Variants in TTLL5 observed in about 807,000 individuals in gnomAD.
TTLL5 encodes the protein tubulin polyglutamylase TTLL5.
TTLL5 carries 132 observed loss-of-function variants against 168.4 expected under a neutral mutation model. The ratio of observed to expected loss-of-function variants is 0.78; its 90% CI spans 0.68 to 0.91. The LOEUF (loss-of-function observed/expected upper bound fraction) is 0.91. Among genes scored for constraint, TTLL5 ranks in the 40% least tolerant of loss-of-function variants. The pLI, the probability that TTLL5 is intolerant of heterozygous loss-of-function variation, is 0.00. For missense variants in TTLL5, 1,545 were observed against 1,581.5 expected (o/e 0.98, Z 0.39); for synonymous variants, 546 against 558.6 (o/e 0.98, Z 0.32).
chr14:75,793,171 T>A, intron 27 of TTLL5, 71 bp downstream of exon 27: 1 of 1,378,436 alleles, frequency 7.3e-7, no homozygotes, highest in Non-Finnish European at 9.6e-7. Flanking sequence ...GTACTTTGTC[T>A]TTCCCTGTCT....
intron 27 of TTLL5, among the ~76,000 whole-genome samples, chr14:75,812,540 G>A (rs1894114415): frequency 6.6e-6 from 1 of 152,154 alleles, no homozygotes; most frequent in African/African-American, 2.4e-5. Flanking sequence ...CATATTTAAT[G>A]ATTACTCTTT....
intron 26 of TTLL5, 35 bp downstream of exon 26, chr14:75,783,565 A>C (rs1892179718): frequency 6.3e-7 from 1 of 1,597,618 alleles, no homozygotes; most frequent in African/African-American, 1.3e-5. Flanking sequence ...CCACAATGTG[A>C]GCTCCTCCCC....
intron 18 of TTLL5, among the ~76,000 whole-genome samples, chr14:75,756,762 C>A (rs115978894): frequency 0.015 from 2,331 of 152,198 alleles, 81 homozygotes; most frequent in African/African-American, 0.053. Flanking sequence ...CCTACCTCGA[C>A]CTCCCAAAGT....
intron 27 of TTLL5, among the ~76,000 whole-genome samples, chr14:75,806,556 A>G (rs747492526): frequency 2.0e-5 from 3 of 152,186 alleles, no homozygotes; most frequent in African/African-American, 4.8e-5. Flanking sequence ...GCCTTATGCT[A>G]TCTTCTCATG....
intron 27 of TTLL5, among the ~76,000 whole-genome samples, chr14:75,802,114 T>C (rs1206481742): frequency 1.3e-5 from 2 of 152,190 alleles, no homozygotes; most frequent in Admixed American, 6.5e-5. Flanking sequence ...TTTTCTCCCC[T>C]TTTAAAAATA....
chr14:75,941,299 C>T (rs1341715489), intron 31 of TTLL5: 1 of 152,216 alleles, frequency 6.6e-6, no homozygotes, highest in Non-Finnish European at 1.5e-5. Context: ...TTCCAACATA[C>T]TGGAGCTATG....
chr14:75,662,473 A>G (rs1243885723), intron 1 of TTLL5, among the ~76,000 whole-genome samples: 1 of 148,776 alleles, frequency 6.7e-6, no homozygotes, highest in African/African-American at 2.5e-5. Context: ...TACAGGCATG[A>G]GCCAGCACAC....
At chr14:75,866,385 A>AG (rs2030521925) in intron 29 of TTLL5, among the ~76,000 whole-genome samples, 1 of 152,232 alleles carries the variant, frequency 6.6e-6, no homozygotes, top group African/African-American at 2.4e-5. Context: ...TCTAAAGTGT[A>AG]GGGAGCCATT....
chr14:75,912,595 T>C (rs945276979), intron 31 of TTLL5, among the ~76,000 whole-genome samples: 1 of 152,142 alleles, frequency 6.6e-6, no homozygotes, highest in African/African-American at 2.4e-5. Context: ...GTTCTAAGAT[T>C]CCTAATAGGC....
chr14:75,683,500 G>C, intron 4 of TTLL5, 50 bp from the exon 5 acceptor site: 8 of 1,399,710 alleles, frequency 5.7e-6, no homozygotes, highest in Non-Finnish European at 8.1e-6. Context: ...TCCTGGAGAA[G>C]GGGTATCTCT....
At position 75,820,100 on chromosome 14, in the gene TTLL5, A is replaced by T. The variant is rs760930545; in HGVS notation, c.3265A>T (p.Thr1089Ser). 6.2e-7 allele frequency: 1 copy of T among 1,608,976 alleles called. No individual in the cohort carries two copies. The change falls in exon 28 of 32, where the codon ACA becomes TCA. Residue 1089 changes from threonine (T) to serine (S), a missense_variant. Coordinates refer to ENST00000298832, the MANE Select transcript of TTLL5 (RefSeq NM_015072.5). ...ACCCATCATCAGTCCTAGTGGCCCG[A>T]CATGGTCTACACAGTCAGACCCCCA... The part of the protein sequence containing the change: ...LRPIISPSGP[T>S]WSTQSDPQAP...
intron 31 of TTLL5, among the ~76,000 whole-genome samples, chr14:75,914,918 C>T (rs1413101406): frequency 6.6e-6 from 1 of 152,124 alleles, no homozygotes; most frequent in African/African-American, 2.4e-5. Context: ...CCACTGTGCC[C>T]GGCCGATCGC....
At chr14:75,679,233 C>T (rs1033675792) in intron 3 of TTLL5, among the ~76,000 whole-genome samples, 10 of 152,132 alleles carry the variant, frequency 6.6e-5, no homozygotes, top group African/African-American at 2.4e-4. Context: ...AATGTAATCA[C>T]AAGAGTTTTT....
chr14:75,753,057 T>C, intron 18 of TTLL5, 102 bp downstream of exon 18: 3 of 1,160,488 alleles, frequency 2.6e-6, no homozygotes, highest in Non-Finnish European at 3.7e-6. Context: ...TTATGTAAAA[T>C]CTCTGCTAGA....
chr14:75,901,899 T>A (rs2032939306), intron 30 of TTLL5, among the ~76,000 whole-genome samples: 1 of 152,226 alleles, frequency 6.6e-6, no homozygotes. Flanking sequence ...CATGCTTTCT[T>A]GATACTACAT....
At chr14:75,805,971 C>T (rs1276234754) in intron 27 of TTLL5, among the ~76,000 whole-genome samples, 3 of 151,896 alleles carry the variant, frequency 2.0e-5, no homozygotes, top group Admixed American at 6.6e-5. Context: ...TACCTTTTCA[C>T]TGGTTTCTTG....
chr14:75,700,436 C>T (rs1044706811), intron 7 of TTLL5, among the ~76,000 whole-genome samples: 10 of 152,138 alleles, frequency 6.6e-5, no homozygotes, highest in African/African-American at 2.4e-4. Context: ...TAGGAACACT[C>T]GACTGGTAAG....
intron 4 of TTLL5, 35 bp downstream of exon 4, chr14:75,681,662 C>T: frequency 6.3e-7 from 1 of 1,584,518 alleles, no homozygotes; most frequent in Non-Finnish European, 8.7e-7. Flanking sequence ...CTGATCTGCT[C>T]ATAAGCTGAA....
At chr14:75,762,124 G>A (rs1056951729) in intron 18 of TTLL5, among the ~76,000 whole-genome samples, 18 of 152,072 alleles carry the variant, frequency 1.2e-4, no homozygotes, top group Non-Finnish European at 2.2e-4. Flanking sequence ...GGCTGGGCGT[G>A]GTGGCTCACA....
Sources: allele counts gnomAD v4.1 joint callset (sites outside exome capture counted in the v4.1 genomes callset), GRCh38; gene constraint gnomAD v4.1.1; transcripts MANE v1.5; gene names NCBI Gene and HGNC (gene_info 2026-07-23, HGNC 2026-07-21).